Variants in UPF3B observed in about 807,000 individuals in gnomAD.
The protein encoded by UPF3B is UPF3B regulator of nonsense mediated mRNA decay, also known as regulator of nonsense transcripts 3B.
In UPF3B, 7 loss-of-function variants were observed where a neutral mutation model predicts 40.3. The ratio of observed to expected loss-of-function variants is 0.17; its 90% CI spans 0.10 to 0.33. The LOEUF (loss-of-function observed/expected upper bound fraction) is 0.33. UPF3B is among the 10% of genes least tolerant of loss of function. The pLI is 1.00. For synonymous variants in UPF3B, 117 were observed against 117.3 expected (o/e 1.00, Z 0.01); for missense variants, 229 against 358.9 (o/e 0.64, Z 2.93).
intron 5 of UPF3B, among the ~76,000 whole-genome samples, chrX:119,814,837 T>A (rs2055849447): frequency 9.6e-6 from 1 of 104,360 alleles, no homozygotes; most frequent in Admixed American, 1.1e-4. Flanking sequence ...TGCTGCACAC[T>A]CCTCTACTCT....
chrX:119,820,305 G>A (rs1193145650), intron 4 of UPF3B, among the ~76,000 whole-genome samples: 7 of 110,421 alleles, frequency 6.3e-5, no homozygotes, highest in East Asian at 2.8e-4. Flanking sequence ...CACCAAGCCC[G>A]GCCAAATTTT....
At chrX:119,846,514 A>G (rs1259490094) in intron 3 of UPF3B, among the ~76,000 whole-genome samples, 2 of 107,012 alleles carry the variant, frequency 1.9e-5, no homozygotes, top group Non-Finnish European at 3.8e-5. Context: ...GTAAAAAAAA[A>G]AAAAAAAAAA....
intron 9 of UPF3B, 40 bp downstream of exon 9, chrX:119,838,327 T>A: frequency 1.7e-6 from 2 of 1,196,382 alleles, no homozygotes; most frequent in Non-Finnish European, 2.3e-6. Flanking sequence ...AAAACTAGCA[T>A]GTATAAATCA....
At chrX:119,840,121 G>A (rs192991140) in intron 8 of UPF3B, among the ~76,000 whole-genome samples, 1 of 111,760 alleles carries the variant, frequency 8.9e-6, no homozygotes, top group Admixed American at 9.5e-5. Flanking sequence ...CTAGGTACTA[G>A]TACTTCCCCA....
intron 4 of UPF3B, among the ~76,000 whole-genome samples, chrX:119,821,524 G>A (rs745370020): frequency 4.0e-4 from 45 of 112,559 alleles, no homozygotes; most frequent in African/African-American, 1.3e-3. Context: ...CTGGCTGGGC[G>A]TGGTGGCTCA....
At chrX:119,806,898 G>A (rs774056586) in intron 6 of UPF3B, among the ~76,000 whole-genome samples, 61 of 107,656 alleles carry the variant, frequency 5.7e-4, no homozygotes, top group African/African-American at 2.0e-3. Flanking sequence ...GCAAGGTGGC[G>A]GGCACCTGTA....
At chrX:119,843,393 A>C in intron 4 of UPF3B, 92 bp from the exon 5 acceptor site, 1 of 658,107 alleles carries the variant, frequency 1.5e-6, no homozygotes. Context: ...AAAGAAGATA[A>C]TTTTTTACTT....
chrX:119,850,255 C>T (rs1046781786), intron 3 of UPF3B, among the ~76,000 whole-genome samples: 9 of 110,453 alleles, frequency 8.1e-5, no homozygotes, highest in African/African-American at 2.6e-4. Flanking sequence ...GCTCTGATTG[C>T]GCCACAGCAC....
intron 8 of UPF3B, 106 bp downstream of exon 8, chrX:119,840,540 T>G: frequency 1.4e-6 from 1 of 704,856 alleles, no homozygotes; most frequent in Non-Finnish European, 2.1e-6. Flanking sequence ...CTGAAGGGGT[T>G]TTCAACAAGT....
At chrX:119,849,790 C>T (rs145791545) in intron 3 of UPF3B, among the ~76,000 whole-genome samples, 1 of 110,714 alleles carries the variant, frequency 9.0e-6, no homozygotes, top group Non-Finnish European at 1.9e-5. Flanking sequence ...ATGGAAAATC[C>T]TGTAAGTTTA....
intron 4 of UPF3B, among the ~76,000 whole-genome samples, chrX:119,817,861 G>C (rs1363310831): frequency 9.0e-6 from 1 of 111,698 alleles, no homozygotes; most frequent in Non-Finnish European, 1.9e-5. Context: ...AAGTTTATGG[G>C]GACAATGCCC....
chrX:119,852,873 G>C lies in UPF3B; in HGVS notation c.56C>G (p.Pro19Arg), dbSNP rs757733776. 5 of 1,212,251 alleles carry C rather than the reference G, an allele frequency of 4.1e-6. No individual in the cohort carries two copies. Among genetic ancestry groups the C allele is most frequent in the Non-Finnish European group, 5.6e-6 (5 of 895,609 alleles). ...PKEKRVTLLT[P>R]AGATGSGGGT... ...ACCACCGCTGCCTGTGGCCCCGGCG[G>C]GGGTTAACAGGGTTACTCGCTTCTC... The change falls in exon 1 of 11, where the codon CCC (proline) becomes CGC (arginine). Residue 19 changes from proline to arginine, a missense_variant. Pro to Arg is a moderately radical substitution (Grantham distance 103). Coordinates refer to ENST00000276201, the MANE Select transcript of UPF3B (RefSeq NM_080632.3).
At chrX:119,840,517 G>T (rs2056148404) in intron 8 of UPF3B, 129 bp downstream of exon 8, 2 of 525,308 alleles carry the variant, frequency 3.8e-6, no homozygotes, top group Non-Finnish European at 6.2e-6. Context: ...CTTTTAAGAA[G>T]ACTCAAGTCA....
chrX:119,837,172 T>A (rs1207823527), intron 10 of UPF3B, among the ~76,000 whole-genome samples: 4 of 105,458 alleles, frequency 3.8e-5, no homozygotes, highest in African/African-American at 1.4e-4. Flanking sequence ...CTAGAACTCC[T>A]AGGCTCTAGC....
chrX:119,807,223 T>G (rs1468869201), intron 6 of UPF3B, among the ~76,000 whole-genome samples: 4 of 111,548 alleles, frequency 3.6e-5, no homozygotes, highest in East Asian at 5.6e-4. Context: ...TTAATTTGTA[T>G]AAATTGCAAA....
chrX:119,810,683 C>T (rs2496194), intron 5 of UPF3B, among the ~76,000 whole-genome samples: 6,030 of 111,429 alleles, frequency 0.054, 351 homozygotes, highest in African/African-American at 0.18. Flanking sequence ...GTTCTGCTCA[C>T]GCCTCTCATC....
At chrX:119,841,951 C>G (rs954890558) in intron 5 of UPF3B, among the ~76,000 whole-genome samples, 173 bp from the exon 6 acceptor site, 2 of 111,969 alleles carry the variant, frequency 1.8e-5, no homozygotes, top group African/African-American at 6.5e-5. Flanking sequence ...TTCAACAATA[C>G]GGGATTAAAA....
intron 3 of UPF3B, among the ~76,000 whole-genome samples, chrX:119,846,641 TAC>T (rs1406393131): frequency 1.9e-5 from 2 of 105,138 alleles, no homozygotes; most frequent in Non-Finnish European, 3.9e-5. Flanking sequence ...TAAAAAAAAA[TAC>T]ACCAGGACAC....
intron 4 of UPF3B, 30 bp downstream of exon 4, chrX:119,845,168 T>C: frequency 5.4e-6 from 6 of 1,110,638 alleles, no homozygotes; most frequent in East Asian, 3.0e-5. Context: ...CCCACAGCAA[T>C]AGCATTATAT....
Sources: gnomAD v4.1 joint callset for allele counts (sites outside exome capture counted in the v4.1 genomes callset) on GRCh38, gnomAD v4.1.1 for gene constraint, MANE v1.5 for transcripts, NCBI Gene and HGNC (gene_info 2026-07-23, HGNC 2026-07-21) for gene names.